The following UBE2W variants were observed in gnomAD, a reference collection of about 807,000 sequenced individuals.
UBE2W encodes the protein ubiquitin-conjugating enzyme E2 W.
A neutral mutation model predicts 27.2 loss-of-function variants in UBE2W; 18 were observed. The observed-to-expected ratio is 0.66, with a 90% CI of 0.46 to 0.98. The LOEUF is 0.98. UBE2W is among the 50% of genes least tolerant of loss of function. The pLI, the probability that UBE2W is intolerant of heterozygous loss-of-function variation, is 0.00. For missense variants in UBE2W, 90 were observed against 180.2 expected, an observed-to-expected ratio of 0.50 and a Z score of 2.87; for synonymous variants, 53 against 57.2, an observed-to-expected ratio of 0.93 and a Z score of 0.33.
Position 73,839,317 on chromosome 8 carries a change from T to C in UBE2W, c.16-8845A>G, listed in dbSNP as rs182140211. On this transcript the variant is annotated intron_variant, in intron 1 of 5. Transcript: ENST00000602593. ...AAATGATCCTGGTTATTTTGAATCA[T>C]GGAAGACATTTTTTTAAAATGCTCC... Among the ~76,000 whole-genome samples, 825 of 141,834 alleles carry C rather than the reference T, an allele frequency of 5.8e-3. 8 individuals are homozygous for C. The highest frequency in any genetic ancestry group is 8.2e-3 in the Non-Finnish European group (539 of 65,822). 93.0% of individuals were successfully genotyped at this position (141,834 alleles called of 152,430 possible).
intron 1 of UBE2W, among the ~76,000 whole-genome samples, chr8:73,869,500 G>A (rs1006660906): frequency 6.6e-6 from 1 of 152,200 alleles, no homozygotes; most frequent in African/African-American, 2.4e-5. Context: ...AGACCAGATT[G>A]GCCAACATGG....
downstream of UBE2W, among the ~76,000 whole-genome samples, chr8:73,783,036 C>T (rs1807870762): frequency 2.0e-5 from 3 of 152,226 alleles, no homozygotes; most frequent in South Asian, 4.1e-4. Context: ...CAGCATTCCA[C>T]GTGTTTGTTT....
At chr8:73,815,654 T>C (rs1190884095) in intron 3 of UBE2W, among the ~76,000 whole-genome samples, 1 of 152,172 alleles carries the variant, frequency 6.6e-6, no homozygotes, top group East Asian at 1.9e-4. Flanking sequence ...TACTGAGATC[T>C]TACCACGAAG....
At chr8:73,839,722 T>C (rs1810460418) in intron 1 of UBE2W, among the ~76,000 whole-genome samples, 1 of 145,750 alleles carries the variant, frequency 6.9e-6, no homozygotes, top group African/African-American at 2.6e-5. Flanking sequence ...TCATTTCTTT[T>C]TTGGTTTTTT....
chr8:73,874,275 C>A (rs576894558), intron 1 of UBE2W, among the ~76,000 whole-genome samples: 1 of 151,680 alleles, frequency 6.6e-6, no homozygotes, highest in Admixed American at 6.6e-5. Flanking sequence ...ACTAAAAATA[C>A]AAAAAATAAG....
chr8:73,855,678 T>C (rs1322712345), intron 1 of UBE2W, among the ~76,000 whole-genome samples: 1 of 152,148 alleles, frequency 6.6e-6, no homozygotes, highest in Non-Finnish European at 1.5e-5. Flanking sequence ...AGTGCTAGGA[T>C]TACAGGCGTG....
intron 1 of UBE2W, among the ~76,000 whole-genome samples, chr8:73,846,117 G>A (rs1181341485): frequency 6.6e-6 from 1 of 152,242 alleles, no homozygotes; most frequent in East Asian, 1.9e-4. Context: ...GATGGGCACA[G>A]TGGCTCACAC....
chr8:73,827,860 A>T (rs1207863959), intron 2 of UBE2W, among the ~76,000 whole-genome samples: 1 of 152,164 alleles, frequency 6.6e-6, no homozygotes, highest in Admixed American at 6.5e-5. Flanking sequence ...AGTTTGTATT[A>T]GTTAAAAAAG....
chr8:73,870,544 C>A (rs891987729), intron 1 of UBE2W, among the ~76,000 whole-genome samples: 1 of 152,078 alleles, frequency 6.6e-6, no homozygotes, highest in African/African-American at 2.4e-5. Context: ...GGTTACACAG[C>A]TATTAAACAA....
intron 2 of UBE2W, among the ~76,000 whole-genome samples, chr8:73,827,741 T>G (rs1271267484): frequency 6.6e-6 from 1 of 151,962 alleles, no homozygotes; most frequent in Non-Finnish European, 1.5e-5. Context: ...GATCTCCCTA[T>G]GTTGCCCAGT....
intron 1 of UBE2W, among the ~76,000 whole-genome samples, chr8:73,862,015 G>T (rs1465558518): frequency 6.6e-6 from 1 of 152,218 alleles, no homozygotes; most frequent in Non-Finnish European, 1.5e-5. Context: ...ACTTTGAAAT[G>T]TCTCCTGAAC....
At chr8:73,801,628 G>A (rs762288056) in intron 5 of UBE2W, among the ~76,000 whole-genome samples, 29 of 152,198 alleles carry the variant, frequency 1.9e-4, no homozygotes, top group Non-Finnish European at 4.1e-4. Context: ...TTTGATGCAT[G>A]TGGGAACTCA....
chr8:73,787,518 T>C lies in UBE2W; in HGVS notation c.*6584A>G, dbSNP rs1004233738. On this transcript the variant is annotated 3_prime_UTR_variant, in exon 6 of 6. Transcript: ENST00000602593. The stretch of plus-strand genomic sequence containing the variant: ...AGTTGTGTAGGACGGCAGGAACAGC[T>C]TGAGACATGATCGTTTTTATGGCAG... 3.6e-5 allele frequency: 35 copies of C among 985,320 alleles called. No individual in the cohort carries two copies. Among genetic ancestry groups the C allele is most frequent in the Non-Finnish European group, 4.2e-5 (35 of 829,946 alleles). 61.0% of individuals were successfully genotyped at this position (985,320 alleles called of 1,614,324 possible).
At chr8:73,858,228 G>A (rs1196243247) in intron 1 of UBE2W, among the ~76,000 whole-genome samples, 1 of 151,898 alleles carries the variant, frequency 6.6e-6, no homozygotes, top group Non-Finnish European at 1.5e-5. Flanking sequence ...GGGTGTGGTG[G>A]TGCACACCTA....
chr8:73,877,138 TTTAATC>T (rs1314237843), intron 1 of UBE2W, among the ~76,000 whole-genome samples: 1 of 152,230 alleles, frequency 6.6e-6, no homozygotes, highest in Non-Finnish European at 1.5e-5. Flanking sequence ...CAAATAATGT[TTTAATC>T]TTAATACAGA....
At chr8:73,830,505 T>C in intron 1 of UBE2W, 33 bp from the exon 2 acceptor site, 2 of 1,580,948 alleles carry the variant, frequency 1.3e-6, no homozygotes, top group Non-Finnish European at 1.7e-6. Context: ...ATTTGTCCTT[T>C]TTGAGACTAG....
intron 1 of UBE2W, among the ~76,000 whole-genome samples, chr8:73,864,475 T>C (rs879798088): frequency 1.3e-5 from 2 of 152,152 alleles, no homozygotes; most frequent in Non-Finnish European, 1.5e-5. Context: ...TAAGTAAATA[T>C]GGAATCCATG....
At position 73,793,660 on chromosome 8, in the gene UBE2W, C is replaced by G. The variant is rs1054772918; in HGVS notation, c.*442G>C. The G allele has an allele frequency of 3.0e-6, 3 of 987,518 alleles. No individual in the cohort carries two copies. Among genetic ancestry groups the G allele is most frequent in the Non-Finnish European group, 3.6e-6 (3 of 831,234 alleles). 61.2% of individuals were successfully genotyped at this position (987,518 alleles called of 1,614,324 possible). A position where few individuals can be genotyped will look rare whatever the true frequency, so the allele number is the denominator to read the frequency against. On this transcript the variant is annotated 3_prime_UTR_variant, in exon 6 of 6. Coordinates refer to ENST00000602593, the MANE Select transcript of UBE2W (RefSeq NM_018299.6). ...CACTTTATTTATATTCCCACTATAA[C>G]CAGTAAGTTCATTTCATAGGCCCTA...
chr8:73,839,221 G>GA (rs1271855707), intron 1 of UBE2W, among the ~76,000 whole-genome samples: 1 of 151,694 alleles, frequency 6.6e-6, no homozygotes, highest in Non-Finnish European at 1.5e-5. Flanking sequence ...CATCAGTACT[G>GA]AAAAAGCACT....
Sources: gnomAD v4.1 joint callset for allele counts (sites outside exome capture counted in the v4.1 genomes callset) on GRCh38, gnomAD v4.1.1 for gene constraint, MANE v1.5 for transcripts, NCBI Gene and HGNC (gene_info 2026-07-23, HGNC 2026-07-21) for gene names.